WWOX: variants seen among roughly 807,000 people sequenced by gnomAD.
WWOX encodes WW domain containing oxidoreductase.
A neutral mutation model predicts 46.2 loss-of-function variants in WWOX; 69 were observed. The observed-to-expected ratio is 1.49, with a 90% CI of 1.23 to 1.82. The LOEUF is 1.82. WWOX is among the 40% of genes most tolerant of loss of function. The pLI, the probability that WWOX is intolerant of heterozygous loss-of-function variation, is 0.00. For missense variants in WWOX, 919 were observed against 542.6 expected (o/e 1.69, Z -6.89); for synonymous variants, 359 against 202.6 (o/e 1.77, Z -6.56).
intron 8 of WWOX, among the ~76,000 whole-genome samples, chr16:78,799,280 G>T (rs2050823352): frequency 6.6e-6 from 1 of 152,066 alleles, no homozygotes; most frequent in Non-Finnish European, 1.5e-5. Context: ...TCATGGGCAG[G>T]GTACAGTCTG....
intron 6 of WWOX, 108 bp from the exon 7 acceptor site, chr16:78,424,762 C>T (rs1433715788): frequency 3.2e-6 from 4 of 1,235,280 alleles, no homozygotes; most frequent in Admixed American, 1.7e-5. Context: ...CATGGATTAT[C>T]CTTGGTTGTA....
At chr16:79,156,730 G>A (rs2050389275) in intron 8 of WWOX, among the ~76,000 whole-genome samples, 1 of 151,918 alleles carries the variant, frequency 6.6e-6, no homozygotes, top group African/African-American at 2.4e-5. Context: ...GAGGGGGGTG[G>A]GGGCCTGTGT....
At chr16:78,798,909 A>G (rs1567568096) in intron 8 of WWOX, among the ~76,000 whole-genome samples, 1 of 152,162 alleles carries the variant, frequency 6.6e-6, no homozygotes, top group Non-Finnish European at 1.5e-5. Context: ...AAAGTTTGAG[A>G]CACCACTTGC....
rs2081806518 is a variant in WWOX, at chr16:78,375,774, CCAACA to C, written c.517-11085_517-11081del. On this transcript the variant is annotated intron_variant, in intron 5 of 8. Transcript: ENST00000566780. ...TGTATTGCAGCATTGCTTTCAGTGGCCAACAAAACAAAACAAAACAAAATTGGAAA... is the reference window on the plus strand; with the variant it reads ...TGTATTGCAGCATTGCTTTCAGTGGCAAACAAAACAAAACAAAATTGGAAA... 2.0e-5 allele frequency among the ~76,000 whole-genome samples: 3 copies of C among 151,434 alleles called. No homozygotes were observed. In the South Asian group the frequency reaches 6.3e-4, roughly 32 times the overall value.
chr16:79,211,978 T>A lies in WWOX; in HGVS notation c.*182T>A. 6.5e-7 allele frequency: 1 copy of A among 1,536,214 alleles called. No homozygotes were observed. Among genetic ancestry groups the A allele is most frequent in the Non-Finnish European group, 8.7e-7 (1 of 1,146,878 alleles). On this transcript the variant is annotated 3_prime_UTR_variant, in exon 9 of 9. Transcript: ENST00000566780. ...AATGGGAAGCAGGGAATTCCTGGGGTAAAGTATCACTTTTCTGGGGCTGGG... is the reference window on the plus strand; with the variant it reads ...AATGGGAAGCAGGGAATTCCTGGGGAAAAGTATCACTTTTCTGGGGCTGGG...
intron 8 of WWOX, among the ~76,000 whole-genome samples, chr16:78,862,036 T>G (rs1239662429): frequency 6.8e-6 from 1 of 147,338 alleles, no homozygotes; most frequent in Non-Finnish European, 1.5e-5. Flanking sequence ...GATACACACA[T>G]GTATCTATTA....
chr16:78,520,033 A>C (rs2043315308), intron 8 of WWOX, among the ~76,000 whole-genome samples: 1 of 152,200 alleles, frequency 6.6e-6, no homozygotes, highest in South Asian at 2.1e-4. Context: ...GTGACCATGC[A>C]GTCATTTCCC....
intron 5 of WWOX, among the ~76,000 whole-genome samples, chr16:78,240,113 C>G (rs1452741480): frequency 2.0e-5 from 3 of 151,994 alleles, no homozygotes; most frequent in Non-Finnish European, 4.4e-5. Flanking sequence ...ATGTAATTAG[C>G]TAAGAATCTC....
chr16:78,113,507 G>T lies in WWOX; in HGVS notation c.231-1469G>T, dbSNP rs371584279. ...AGTGGGCCAGATTTGGCCAGCTCCT[G>T]GTCTAATCTAGAGGAGTAAGCAAGG... On this transcript the variant is annotated intron_variant, in intron 3 of 8. Transcript: ENST00000566780. 2.6e-5 allele frequency among the ~76,000 whole-genome samples: 4 copies of T among 152,276 alleles called. No homozygotes were observed. The East Asian group carries it at 7.7e-4, about 29-fold the overall frequency.
chr16:78,945,846 T>A (rs962849151), intron 8 of WWOX, among the ~76,000 whole-genome samples: 1 of 152,106 alleles, frequency 6.6e-6, no homozygotes, highest in Non-Finnish European at 1.5e-5. Context: ...GGGAACTTCA[T>A]CTCGTAGTCA....
intron 8 of WWOX, among the ~76,000 whole-genome samples, chr16:78,827,028 C>T (rs1415903791): frequency 6.6e-6 from 1 of 152,102 alleles, no homozygotes; most frequent in East Asian, 1.9e-4. Context: ...TTTCCTGCCC[C>T]CACATGTTAT....
intron 8 of WWOX, among the ~76,000 whole-genome samples, chr16:78,614,725 C>T (rs1363905511): frequency 6.6e-6 from 1 of 152,198 alleles, no homozygotes; most frequent in Non-Finnish European, 1.5e-5. Flanking sequence ...ACAGCAGGCT[C>T]TTCCTTGACG....
intron 8 of WWOX, among the ~76,000 whole-genome samples, chr16:78,519,754 A>C (rs1597204152): frequency 1.3e-5 from 2 of 152,208 alleles, no homozygotes; most frequent in African/African-American, 4.8e-5. Flanking sequence ...TGAGGAGCCC[A>C]CAAGCAGGTG....
chr16:78,496,432 C>T (rs1468975724), intron 8 of WWOX: 11 of 152,186 alleles, frequency 7.2e-5, no homozygotes, highest in Admixed American at 7.2e-4. Context: ...CTGTGATGAC[C>T]TGTAAATGGA....
chr16:78,307,474 G>A (rs1250287550), intron 5 of WWOX, among the ~76,000 whole-genome samples: 3 of 152,166 alleles, frequency 2.0e-5, no homozygotes, highest in Non-Finnish European at 4.4e-5. Flanking sequence ...GAGGAAACAG[G>A]GAGAAGAGGT....
intron 6 of WWOX, among the ~76,000 whole-genome samples, chr16:78,421,573 G>A (rs901773474): frequency 2.0e-5 from 3 of 152,160 alleles, no homozygotes; most frequent in Non-Finnish European, 4.4e-5. Context: ...CACTATGGAA[G>A]CAATGGGATG....
At chr16:78,874,863 G>A (rs2044204119) in intron 8 of WWOX, among the ~76,000 whole-genome samples, 1 of 151,918 alleles carries the variant, frequency 6.6e-6, no homozygotes, top group African/African-American at 2.4e-5. Flanking sequence ...CCTACAGCAA[G>A]TGGTAAATGA....
At chr16:78,724,744 C>A (rs1329701916) in intron 8 of WWOX, among the ~76,000 whole-genome samples, 2 of 152,134 alleles carry the variant, frequency 1.3e-5, no homozygotes, top group Non-Finnish European at 2.9e-5. Flanking sequence ...TAACCATCTC[C>A]TGAACCCTGA....
intron 8 of WWOX, among the ~76,000 whole-genome samples, chr16:78,854,861 C>G (rs1306782321): frequency 6.6e-6 from 1 of 151,740 alleles, no homozygotes; most frequent in African/African-American, 2.4e-5. Context: ...GGATTAGAGG[C>G]CTGAGCCACC....
Sources: gnomAD v4.1 joint callset for allele counts (sites outside exome capture counted in the v4.1 genomes callset) on GRCh38, gnomAD v4.1.1 for gene constraint, MANE v1.5 for transcripts, NCBI Gene and HGNC (gene_info 2026-07-23, HGNC 2026-07-21) for gene names.